Variants in TTLL5 observed in about 807,000 individuals in gnomAD.
The protein encoded by TTLL5 is tubulin tyrosine ligase like 5, also known as tubulin polyglutamylase TTLL5.
Under a neutral mutation model 168.4 loss-of-function variants are expected in TTLL5, and 132 were observed. The ratio of observed to expected loss-of-function variants is 0.78; its 90% CI spans 0.68 to 0.91. TTLL5 has a LOEUF of 0.91. Ranked by LOEUF, TTLL5 falls within the 40% of genes least tolerant of loss-of-function variation. The probability of loss-of-function intolerance (pLI) is 0.00; values close to 1 mark genes in which losing one functional copy is unlikely to be tolerated. For synonymous variants in TTLL5, 546 were observed against 558.6 expected, an observed-to-expected ratio of 0.98 and a Z score of 0.32; for missense variants, 1,545 against 1,581.5, an observed-to-expected ratio of 0.98 and a Z score of 0.39.
At chr14:75,870,817 A>G (rs1595180259) in intron 29 of TTLL5, among the ~76,000 whole-genome samples, 1 of 144,488 alleles carries the variant, frequency 6.9e-6, no homozygotes, top group African/African-American at 2.6e-5. Context: ...TTTTTTTGAG[A>G]CGGAGTCTTG....
At chr14:75,728,359 A>G (rs576279847) in intron 12 of TTLL5, among the ~76,000 whole-genome samples, 83 of 74,030 alleles carry the variant, frequency 1.1e-3, no homozygotes, top group Middle Eastern at 8.5e-3. Context: ...TCCATCTCAG[A>G]AAAAAAAAAA....
At chr14:75,731,395 ACACACAC>A (rs1374911830) in intron 12 of TTLL5, among the ~76,000 whole-genome samples, 4 of 151,272 alleles carry the variant, frequency 2.6e-5, no homozygotes, top group African/African-American at 9.7e-5. Flanking sequence ...ACACACACAC[ACACACAC>A]ACACACACAC....
chr14:75,902,040 C>A, intron 30 of TTLL5, 102 bp from the exon 31 acceptor site: 4 of 951,286 alleles, frequency 4.2e-6, no homozygotes, highest in Non-Finnish European at 6.8e-6. Flanking sequence ...GAATGAGCCA[C>A]AGGAGAAGCA....
In TTLL5 at chr14:75,682,139, G is replaced by A. The variant is rs573641325; in HGVS notation, c.264+512G>A. ...TGGGAGGTGGAGGTTGTAGTGAGCC[G>A]AGATCACACCACTGCACTCCAGCCT... On this transcript the variant is annotated intron_variant, in intron 4 of 31. Transcript: ENST00000298832. Among the ~76,000 whole-genome samples, 282 of 145,856 alleles carry A rather than the reference G, an allele frequency of 1.9e-3. 2 individuals are homozygous for A. Among genetic ancestry groups the A allele is most frequent in the Middle Eastern group, 0.011 (3 of 272 alleles).
chr14:75,922,812 TCCC>T (rs2033875232), intron 31 of TTLL5, among the ~76,000 whole-genome samples: 1 of 152,186 alleles, frequency 6.6e-6, no homozygotes, highest in South Asian at 2.1e-4. Flanking sequence ...TGGCACCATC[TCCC>T]CTTTGTACCT....
intron 3 of TTLL5, among the ~76,000 whole-genome samples, chr14:75,674,008 ATAAAG>A (rs982445646): frequency 2.5e-4 from 38 of 152,346 alleles, no homozygotes; most frequent in African/African-American, 8.7e-4. Flanking sequence ...TGCTTGTCAC[ATAAAG>A]TAATCGATGT....
At chr14:75,882,022 A>T (rs1406728909) in intron 29 of TTLL5, among the ~76,000 whole-genome samples, 1 of 152,198 alleles carries the variant, frequency 6.6e-6, no homozygotes, top group East Asian at 1.9e-4. Flanking sequence ...TCATGTAACT[A>T]GCATTTGTAT....
chr14:75,831,388 C>G (rs1391971937), intron 28 of TTLL5, among the ~76,000 whole-genome samples: 1 of 152,160 alleles, frequency 6.6e-6, no homozygotes, highest in Admixed American at 6.5e-5. Context: ...CCTATCAGAG[C>G]TAGGCCAACT....
intron 28 of TTLL5, among the ~76,000 whole-genome samples, chr14:75,847,203 A>G (rs756334312): frequency 6.6e-6 from 1 of 151,964 alleles, no homozygotes; most frequent in Non-Finnish European, 1.5e-5. Context: ...GGATTTCACC[A>G]TGTTGGCCAG....
At chr14:75,857,053 T>C (rs1404103669) in intron 28 of TTLL5, among the ~76,000 whole-genome samples, 4 of 152,252 alleles carry the variant, frequency 2.6e-5, no homozygotes, top group Non-Finnish European at 5.9e-5. Context: ...TCTAGCAGTA[T>C]CTCTCTAAAG....
chr14:75,767,029 G>A (rs929909134), intron 20 of TTLL5, among the ~76,000 whole-genome samples: 2 of 152,052 alleles, frequency 1.3e-5, no homozygotes, highest in African/African-American at 4.8e-5. Context: ...TGGGTGTGGT[G>A]GTGCATGCCT....
At chr14:75,768,835 G>A (rs571888113) in intron 20 of TTLL5, among the ~76,000 whole-genome samples, 51 of 152,304 alleles carry the variant, frequency 3.3e-4, no homozygotes, top group Non-Finnish European at 6.2e-4. Flanking sequence ...GTGTCATGGA[G>A]AATAAGAATA....
At chr14:75,857,217 C>T (rs1188602629) in intron 28 of TTLL5, among the ~76,000 whole-genome samples, 1 of 152,110 alleles carries the variant, frequency 6.6e-6, no homozygotes, top group Admixed American at 6.5e-5. Flanking sequence ...TGAATTTTGT[C>T]AAATGCATTT....
intron 23 of TTLL5, among the ~76,000 whole-genome samples, chr14:75,778,251 A>G (rs922704001): frequency 1.3e-5 from 2 of 152,194 alleles, no homozygotes; most frequent in Non-Finnish European, 2.9e-5. Flanking sequence ...TTGTTGGGAA[A>G]TAATGTGGTG....
intron 26 of TTLL5, among the ~76,000 whole-genome samples, chr14:75,785,176 C>CTTTT (rs903930146): frequency 2.7e-4 from 28 of 102,576 alleles, no homozygotes; most frequent in Non-Finnish European, 3.4e-4. Flanking sequence ...AGATTTCCTC[C>CTTTT]TTTTTTTTTT....
chr14:75,781,648 A>G (rs974777790), intron 24 of TTLL5, among the ~76,000 whole-genome samples: 2 of 152,182 alleles, frequency 1.3e-5, no homozygotes, highest in African/African-American at 4.8e-5. Context: ...TGATCAACCT[A>G]TCTCCAGTAA....
At chr14:75,732,797 G>A (rs1166161116) in intron 13 of TTLL5, among the ~76,000 whole-genome samples, 1 of 151,982 alleles carries the variant, frequency 6.6e-6, no homozygotes, top group Non-Finnish European at 1.5e-5. Flanking sequence ...ACACTATAAA[G>A]GTATAAACCT....
At position 75,745,529 on chromosome 14, in the gene TTLL5, C is replaced by T. The variant is rs753018563; in HGVS notation, c.1435C>T (p.Arg479Ter). 61 of 1,613,464 alleles carry T rather than the reference C, an allele frequency of 3.8e-5. No individual in the cohort carries two copies. Among genetic ancestry groups the T allele is most frequent in the Non-Finnish European group, 4.8e-5 (57 of 1,179,932 alleles). The change falls in exon 17 of 32, where the codon CGA becomes TGA. Residue 479 changes from arginine (R) to a stop codon, truncating the protein, a stop_gained. Coordinates refer to ENST00000298832, the MANE Select transcript of TTLL5 (RefSeq NM_015072.5). LOFTEE classifies it high-confidence loss of function. ...LRRVKEENDR[R>*]GGFIRIFPTS... ...AAGGGTGAAGGAGGAGAATGATCGG[C>T]GAGGTGGATTTATTCGCATATTTCC...
chr14:75,821,511 G>A (rs1287824327), intron 28 of TTLL5, among the ~76,000 whole-genome samples: 2 of 152,184 alleles, frequency 1.3e-5, no homozygotes, highest in Admixed American at 1.3e-4. Flanking sequence ...TATAATGTCT[G>A]TATGACAAGG....
Sources: gnomAD v4.1 joint callset for allele counts (sites outside exome capture counted in the v4.1 genomes callset) on GRCh38, gnomAD v4.1.1 for gene constraint, MANE v1.5 for transcripts, NCBI Gene and HGNC (gene_info 2026-07-23, HGNC 2026-07-21) for gene names.